Variants in NRP1 observed in about 807,000 individuals in gnomAD.
NRP1 encodes the protein neuropilin 1.
A neutral mutation model predicts 106.7 loss-of-function variants in NRP1; 35 were observed. The ratio of observed to expected loss-of-function variants is 0.33; its 90% CI spans 0.25 to 0.43. The LOEUF (loss-of-function observed/expected upper bound fraction) is 0.43. Ranked by LOEUF, NRP1 falls within the 20% of genes least tolerant of loss-of-function variation. NRP1 has a pLI of 1.00. For missense variants in NRP1, 1,024 were observed against 1,170.4 expected (o/e 0.87, Z 1.83); for synonymous variants, 437 against 417.9 (o/e 1.05, Z -0.56).
intron 2 of NRP1, among the ~76,000 whole-genome samples, chr10:33,302,227 C>T (rs990059925): frequency 6.6e-6 from 1 of 152,246 alleles, no homozygotes; most frequent in Admixed American, 6.5e-5. Context: ...TCCCCTACCC[C>T]ACCCAACACC....
intron 7 of NRP1, among the ~76,000 whole-genome samples, chr10:33,222,669 C>T (rs542093662): frequency 2.6e-4 from 39 of 152,148 alleles, no homozygotes; most frequent in African/African-American, 8.2e-4. Flanking sequence ...TACAGGTGCC[C>T]ACAGCCACAC....
chr10:33,257,053 A>T (rs1192903919), intron 4 of NRP1, among the ~76,000 whole-genome samples: 1 of 152,204 alleles, frequency 6.6e-6, no homozygotes, highest in African/African-American at 2.4e-5. Context: ...AGGACAATGG[A>T]TTATGTCCTA....
At chr10:33,314,426 A>C (rs1455637606) in intron 2 of NRP1, among the ~76,000 whole-genome samples, 2 of 152,236 alleles carry the variant, frequency 1.3e-5, no homozygotes, top group Non-Finnish European at 2.9e-5. Flanking sequence ...TAGAGAGGTG[A>C]GAAGGAGGGA....
At chr10:33,269,919 CT>C (rs1392769328) in intron 3 of NRP1, among the ~76,000 whole-genome samples, 1 of 152,202 alleles carries the variant, frequency 6.6e-6, no homozygotes, top group Non-Finnish European at 1.5e-5. Flanking sequence ...CCCACTGATT[CT>C]ACCTTATGGT....
Position 33,202,876 on chromosome 10 carries a change from A to T in NRP1, c.1864+15T>A, listed in dbSNP as rs1323719946. The T allele has an allele frequency of 6.2e-7, 1 of 1,614,212 alleles. No individual in the cohort carries two copies. The highest frequency in any genetic ancestry group is 8.5e-7 in the Non-Finnish European group (1 of 1,180,036). On this transcript the variant is annotated intron_variant, in intron 11 of 16. Transcript: ENST00000374867. Reference sequence around the variant, plus strand: ...CTGAAATGGTACAGCAATGGGATGAAGATGGTTTCTGCACCTGTGAGCTGG... The same window carrying T: ...CTGAAATGGTACAGCAATGGGATGATGATGGTTTCTGCACCTGTGAGCTGG...
intron 8 of NRP1, 130 bp from the exon 9 acceptor site, chr10:33,213,847 T>C: frequency 1.3e-6 from 1 of 758,048 alleles, no homozygotes; most frequent in Non-Finnish European, 2.1e-6. Context: ...AGTCTCTGGA[T>C]TATTTTACAG....
intron 1 of NRP1, 63 bp downstream of exon 1, chr10:33,334,247 G>A (rs1848474808): frequency 1.4e-6 from 2 of 1,466,854 alleles, no homozygotes; most frequent in Non-Finnish European, 1.8e-6. Context: ...CTGAGCCCCG[G>A]TCCGGGGCGG....
At chr10:33,241,364 C>G (rs1841002419) in intron 6 of NRP1, among the ~76,000 whole-genome samples, 2 of 152,202 alleles carry the variant, frequency 1.3e-5, no homozygotes, top group South Asian at 4.2e-4. Context: ...TCTATCGATA[C>G]TAATCTCATG....
intron 1 of NRP1, among the ~76,000 whole-genome samples, chr10:33,333,829 C>CG (rs1321295896): frequency 6.6e-6 from 1 of 151,974 alleles, no homozygotes; most frequent in Non-Finnish European, 1.5e-5. Flanking sequence ...TGTACAAAGG[C>CG]GGGGGAGGGA....
intron 1 of NRP1, among the ~76,000 whole-genome samples, chr10:33,333,031 T>C (rs1266716171): frequency 6.6e-6 from 1 of 152,184 alleles, no homozygotes; most frequent in Non-Finnish European, 1.5e-5. Flanking sequence ...TACTATAATT[T>C]CTAGTCCAAC....
chr10:33,278,556 T>G (rs1843880724), intron 2 of NRP1, among the ~76,000 whole-genome samples: 1 of 152,180 alleles, frequency 6.6e-6, no homozygotes, highest in African/African-American at 2.4e-5. Flanking sequence ...ATAAAAATGT[T>G]TTCAGAAACA....
intron 9 of NRP1, chr10:33,212,720 G>T: frequency 6.5e-6 from 1 of 153,556 alleles, no homozygotes; most frequent in Non-Finnish European, 1.4e-5. Flanking sequence ...ACCCAGGCTA[G>T]AGAGCAGTGG....
intron 13 of NRP1, among the ~76,000 whole-genome samples, chr10:33,189,109 A>G (rs987987215): frequency 1.3e-5 from 2 of 149,968 alleles, no homozygotes; most frequent in Non-Finnish European, 3.0e-5. Context: ...AACTTAAGGT[A>G]TAGTATAAAG....
chr10:33,253,854 A>T (rs1842022303), intron 6 of NRP1, among the ~76,000 whole-genome samples, 174 bp downstream of exon 6: 1 of 152,112 alleles, frequency 6.6e-6, no homozygotes, highest in Non-Finnish European at 1.5e-5. Flanking sequence ...TTTTGCAGTG[A>T]TTTATACCTG....
intron 10 of NRP1, among the ~76,000 whole-genome samples, chr10:33,204,245 C>T (rs1029104953): frequency 1.3e-5 from 2 of 152,062 alleles, no homozygotes; most frequent in Non-Finnish European, 2.9e-5. Context: ...AAATTTGACA[C>T]TGAATGGTGC....
intron 13 of NRP1, 26 bp from the exon 14 acceptor site, chr10:33,186,514 G>C (rs1182211332): frequency 2.5e-6 from 4 of 1,586,400 alleles, no homozygotes; most frequent in Non-Finnish European, 3.4e-6. Flanking sequence ...ACTGTGTTAG[G>C]GAGAGTGGCC....
rs1835501915 is a variant in NRP1 at position 33,178,578 on chromosome 10, T to C, written c.*1498A>G. The C allele has an allele frequency of 6.6e-6, 1 of 152,220 alleles. No homozygotes were observed. Among genetic ancestry groups the C allele is most frequent in the Admixed American group, 6.5e-5 (1 of 15,282 alleles). 9.4% of individuals were successfully genotyped at this position (152,220 alleles called of 1,614,324 possible). On this transcript the variant is annotated 3_prime_UTR_variant, in exon 17 of 17. Transcript: ENST00000374867. ...TCATTCTTAAATTAACTGTTCTTCCTTCCACTTCCCTTGTGTGACTCAGTA... is the reference window on the plus strand; with the variant it reads ...TCATTCTTAAATTAACTGTTCTTCCCTCCACTTCCCTTGTGTGACTCAGTA...
At chr10:33,221,940 T>C in intron 7 of NRP1, 77 bp from the exon 8 acceptor site, 1 of 1,476,106 alleles carries the variant, frequency 6.8e-7, no homozygotes, top group South Asian at 1.2e-5. Flanking sequence ...CACAAATGGT[T>C]GTAAAAATTA....
intron 10 of NRP1, chr10:33,205,602 G>C (rs1588718375): frequency 1.3e-5 from 2 of 152,400 alleles, no homozygotes; most frequent in African/African-American, 4.8e-5. Context: ...GAAATCACAG[G>C]GAGTCAAAGG....
Sources: gnomAD v4.1 joint callset for allele counts (sites outside exome capture counted in the v4.1 genomes callset) on GRCh38, gnomAD v4.1.1 for gene constraint, MANE v1.5 for transcripts, NCBI Gene and HGNC (gene_info 2026-07-23, HGNC 2026-07-21) for gene names.